The following TRHDE variants were observed in gnomAD, a reference collection of about 807,000 sequenced individuals.
TRHDE encodes thyrotropin releasing hormone degrading enzyme.
Under a neutral mutation model 125.7 loss-of-function variants are expected in TRHDE, and 72 were observed. The ratio of observed to expected loss-of-function variants is 0.57; its 90% confidence interval spans 0.47 to 0.70. The LOEUF (loss-of-function observed/expected upper bound fraction) is 0.70, where lower values mean the gene tolerates loss of function less well. Among genes scored for constraint, TRHDE ranks in the 30% least tolerant of loss-of-function variants. The probability of loss-of-function intolerance (pLI) is 0.00; values close to 1 mark genes in which losing one functional copy is unlikely to be tolerated. For missense variants in TRHDE, 1,110 were observed against 1,327.1 expected, an observed-to-expected ratio of 0.84 and a Z score of 2.54; for synonymous variants, 509 against 509.1, an observed-to-expected ratio of 1.00 and a Z score of 0.00.
At chr12:72,140,731 C>A (rs1876092697) in intron 2 of TRHDE, among the ~76,000 whole-genome samples, 1 of 152,162 alleles carries the variant, frequency 6.6e-6, no homozygotes, top group African/African-American at 2.4e-5. Context: ...TGGCCTAGTA[C>A]TTAGTCTGGG....
intron 12 of TRHDE, among the ~76,000 whole-genome samples, chr12:72,603,780 A>C (rs918913186): frequency 6.6e-6 from 1 of 152,116 alleles, no homozygotes; most frequent in African/African-American, 2.4e-5. Flanking sequence ...AAACAATGTA[A>C]GTATACAGAT....
At chr12:72,462,501 G>T (rs916283991) in intron 3 of TRHDE, among the ~76,000 whole-genome samples, 3 of 152,162 alleles carry the variant, frequency 2.0e-5, no homozygotes, top group Non-Finnish European at 4.4e-5. Context: ...GCTTATGATT[G>T]CAGGCAAAAC....
At chr12:72,656,325 C>T (rs908477232) in intron 17 of TRHDE, among the ~76,000 whole-genome samples, 4 of 152,002 alleles carry the variant, frequency 2.6e-5, no homozygotes, top group South Asian at 2.1e-4. Flanking sequence ...TTTGAGAATG[C>T]ATTTTGCCTC....
intron 5 of TRHDE, 84 bp downstream of exon 5, chr12:72,473,264 T>A: frequency 1.0e-6 from 1 of 973,104 alleles, no homozygotes; most frequent in Non-Finnish European, 1.6e-6. Flanking sequence ...TAGAGATGAC[T>A]AAAAATACCA....
intron 2 of TRHDE, among the ~76,000 whole-genome samples, chr12:72,164,734 TAAC>T (rs1347365283): frequency 6.6e-6 from 1 of 152,158 alleles, no homozygotes; most frequent in Non-Finnish European, 1.5e-5. Context: ...CATTTTCACT[TAAC>T]AACACTTTCC....
intron 3 of TRHDE, among the ~76,000 whole-genome samples, chr12:72,416,525 G>C (rs538219585): frequency 6.6e-6 from 1 of 152,040 alleles, no homozygotes; most frequent in South Asian, 2.1e-4. Context: ...TTAGGTCTAA[G>C]TCTTTAATTC....
intron 12 of TRHDE, among the ~76,000 whole-genome samples, chr12:72,610,284 T>TAGTCTG (rs1310522695): frequency 6.6e-6 from 1 of 152,236 alleles, no homozygotes; most frequent in Non-Finnish European, 1.5e-5. Context: ...ACATCATGCA[T>TAGTCTG]AGTCTGTCTT....
At chr12:72,136,497 A>G (rs372759888) in intron 2 of TRHDE, among the ~76,000 whole-genome samples, 4 of 152,246 alleles carry the variant, frequency 2.6e-5, no homozygotes, top group Admixed American at 1.3e-4. Flanking sequence ...AGGTGAAAAT[A>G]AAAAAGAAGG....
chr12:72,229,768 A>G (rs1302466520), intron 2 of TRHDE, among the ~76,000 whole-genome samples: 1 of 152,214 alleles, frequency 6.6e-6, no homozygotes, highest in African/African-American at 2.4e-5. Flanking sequence ...AAAAAGGGAG[A>G]TGAGATTTAG....
chr12:72,165,934 C>G (rs1020094324), intron 2 of TRHDE, among the ~76,000 whole-genome samples: 4 of 152,114 alleles, frequency 2.6e-5, no homozygotes, highest in Non-Finnish European at 5.9e-5. Context: ...CATGGCCTCC[C>G]AAAGTGCTGG....
chr12:72,504,622 A>G (rs919072583), intron 6 of TRHDE, among the ~76,000 whole-genome samples: 4 of 152,194 alleles, frequency 2.6e-5, no homozygotes, highest in Non-Finnish European at 2.9e-5. Context: ...ATTTTATCCA[A>G]CAGGTCAGAT....
At chr12:72,571,723 T>C (rs774803506) in intron 10 of TRHDE, among the ~76,000 whole-genome samples, 15 of 151,982 alleles carry the variant, frequency 9.9e-5, no homozygotes, top group Admixed American at 9.2e-4. Context: ...AAGAAAATAT[T>C]AAAATAGAAG....
intron 2 of TRHDE, among the ~76,000 whole-genome samples, chr12:72,144,829 G>A (rs936741667): frequency 6.6e-6 from 1 of 152,124 alleles, no homozygotes; most frequent in Non-Finnish European, 1.5e-5. Flanking sequence ...AGTAGTGCCT[G>A]GTGTTCTCAG....
intron 5 of TRHDE, among the ~76,000 whole-genome samples, chr12:72,478,604 C>T (rs1312808880): frequency 6.6e-6 from 1 of 152,104 alleles, no homozygotes; most frequent in African/African-American, 2.4e-5. Context: ...TTTCTCCTGG[C>T]ATTTGCAGTT....
At chr12:72,521,595 A>G (rs1261808952) in intron 6 of TRHDE, among the ~76,000 whole-genome samples, 6 of 152,244 alleles carry the variant, frequency 3.9e-5, no homozygotes, top group East Asian at 1.9e-4. Context: ...TGCCATAAAA[A>G]TATCTGGCTT....
intron 7 of TRHDE, among the ~76,000 whole-genome samples, chr12:72,543,735 A>G (rs983269967): frequency 2.0e-5 from 3 of 150,656 alleles, no homozygotes; most frequent in African/African-American, 7.3e-5. Context: ...GTGTGTATGG[A>G]TTTGCTCAGC....
intron 2 of TRHDE, among the ~76,000 whole-genome samples, chr12:72,173,782 C>A (rs552928125): frequency 6.6e-6 from 1 of 152,092 alleles, no homozygotes; most frequent in East Asian, 1.9e-4. Context: ...TCTTGCTCTG[C>A]GCGCGCACAC....
At chr12:72,324,156 A>C (rs1592544835) in intron 2 of TRHDE, among the ~76,000 whole-genome samples, 1 of 152,110 alleles carries the variant, frequency 6.6e-6, no homozygotes, top group East Asian at 1.9e-4. Context: ...AGGCTGTAGT[A>C]ATCAAAATAA....
At chr12:72,535,760 C>T (rs184997293) in intron 6 of TRHDE, among the ~76,000 whole-genome samples, 2 of 151,822 alleles carry the variant, frequency 1.3e-5, no homozygotes, top group African/African-American at 2.4e-5. Flanking sequence ...TTATTCCATA[C>T]CAAAAGACAT....
Sources: allele counts gnomAD v4.1 joint callset (sites outside exome capture counted in the v4.1 genomes callset), GRCh38; gene constraint gnomAD v4.1.1; transcripts MANE v1.5; gene names NCBI Gene and HGNC (gene_info 2026-07-23, HGNC 2026-07-21).